The following EEIG2 variants were observed in gnomAD, a reference collection of about 807,000 sequenced individuals.
EEIG2 encodes the protein EEIG family member 2, also known as family with sequence similarity 102 member B.
chr1:108,617,390 A>T, the EEIG2 span, among the ~76,000 whole-genome samples: 2 of 152,218 alleles, frequency 1.3e-5, no homozygotes, highest in African/African-American at 4.8e-5. Flanking sequence ...TTTAAGCCTG[A>T]GTAACTGGAA....
the EEIG2 span, among the ~76,000 whole-genome samples, chr1:108,620,878 A>G: frequency 2.6e-5 from 4 of 152,314 alleles, no homozygotes; most frequent in African/African-American, 9.6e-5. Context: ...CGTGGGAGAC[A>G]GGCACACAGC....
the EEIG2 span, among the ~76,000 whole-genome samples, chr1:108,578,613 CGT>C: frequency 2.6e-5 from 4 of 151,504 alleles, no homozygotes; most frequent in Admixed American, 2.6e-4. Context: ...TATTGATTTG[CGT>C]ATATTGACCC....
chr1:108,615,010 T>G, the EEIG2 span, among the ~76,000 whole-genome samples: 1 of 152,156 alleles, frequency 6.6e-6, no homozygotes, highest in Non-Finnish European at 1.5e-5. Context: ...CAGGATAGAT[T>G]TGGCATTTAA....
At chr1:108,598,857 G>A in the EEIG2 span, among the ~76,000 whole-genome samples, 1 of 152,092 alleles carries the variant, frequency 6.6e-6, no homozygotes, top group East Asian at 1.9e-4. Flanking sequence ...ACCAGGCCAG[G>A]TGGCTTACAC....
the EEIG2 span, among the ~76,000 whole-genome samples, chr1:108,574,112 AGTG>A: frequency 2.6e-5 from 4 of 152,216 alleles, no homozygotes; most frequent in Non-Finnish European, 5.9e-5. Flanking sequence ...AAGAAAACTA[AGTG>A]TCCATCACAG....
At chr1:108,607,065 C>T in the EEIG2 span, among the ~76,000 whole-genome samples, 1 of 152,208 alleles carries the variant, frequency 6.6e-6, no homozygotes, top group Non-Finnish European at 1.5e-5. Context: ...CCTTCCTCAA[C>T]TAGAGATTTT....
At chr1:108,575,394 G>A in the EEIG2 span, among the ~76,000 whole-genome samples, 3 of 152,050 alleles carry the variant, frequency 2.0e-5, no homozygotes, top group African/African-American at 7.3e-5. Flanking sequence ...GGATTGGTAG[G>A]ACTTAAACAG....
At chr1:108,608,318 C>G in the EEIG2 span, among the ~76,000 whole-genome samples, 1 of 152,220 alleles carries the variant, frequency 6.6e-6, no homozygotes, top group Non-Finnish European at 1.5e-5. Flanking sequence ...GTGTCTTCCT[C>G]TATCACAGCA....
At chr1:108,581,666 T>C in the EEIG2 span, among the ~76,000 whole-genome samples, 1 of 152,274 alleles carries the variant, frequency 6.6e-6, no homozygotes, top group East Asian at 1.9e-4. Flanking sequence ...AACCTGAAGA[T>C]GTGACTGAAT....
the EEIG2 span, among the ~76,000 whole-genome samples, chr1:108,567,513 T>G: frequency 1.1e-3 from 175 of 152,384 alleles, 1 homozygote; most frequent in African/African-American, 4.2e-3. Flanking sequence ...TAAATTCTAC[T>G]GCCTTTCAGG....
chr1:108,594,986 T>C, the EEIG2 span, among the ~76,000 whole-genome samples: 1 of 152,184 alleles, frequency 6.6e-6, no homozygotes, highest in Non-Finnish European at 1.5e-5. Flanking sequence ...TTGTCTGGTT[T>C]GTTTCTTAAA....
At chr1:108,602,338 GC>G in the EEIG2 span, among the ~76,000 whole-genome samples, 1 of 152,176 alleles carries the variant, frequency 6.6e-6, no homozygotes, top group Admixed American at 6.5e-5. Context: ...CAAGGTGTCA[GC>G]AGGGCCATGC....
At chr1:108,612,497 A>G in the EEIG2 span, among the ~76,000 whole-genome samples, 31 of 152,224 alleles carry the variant, frequency 2.0e-4, no homozygotes, top group African/African-American at 6.8e-4. Flanking sequence ...TTCATGGTCC[A>G]AAGGTGTTTT....
At chr1:108,625,775 TG>T in the EEIG2 span, 1 of 10,028 alleles carries the variant, frequency 1.0e-4, no homozygotes, top group African/African-American at 1.8e-4. Flanking sequence ...TCTCTCTCTC[TG>T]TGTGTGTGTG....
the EEIG2 span, chr1:108,600,496 A>G: frequency 1.2e-5 from 19 of 1,544,394 alleles, no homozygotes; most frequent in Non-Finnish European, 1.6e-5. Context: ...CTTGAGTGAA[A>G]GTATGGGTGT....
At chr1:108,605,719 T>G in the EEIG2 span, among the ~76,000 whole-genome samples, 4 of 152,208 alleles carry the variant, frequency 2.6e-5, no homozygotes, top group Admixed American at 1.3e-4. Flanking sequence ...TTATTTTTTA[T>G]TATTTTCCAC....
At chr1:108,607,233 C>T in the EEIG2 span, among the ~76,000 whole-genome samples, 1 of 152,230 alleles carries the variant, frequency 6.6e-6, no homozygotes, top group Non-Finnish European at 1.5e-5. Context: ...CTCCTGGACA[C>T]CAGGTGGCTG....
the EEIG2 span, among the ~76,000 whole-genome samples, chr1:108,633,738 G>C: frequency 2.6e-5 from 4 of 152,096 alleles, no homozygotes; most frequent in African/African-American, 9.7e-5. Flanking sequence ...ATTCTGCCTG[G>C]GGTTCATCAA....
chr1:108,587,766 G>C, the EEIG2 span, among the ~76,000 whole-genome samples: 1 of 152,064 alleles, frequency 6.6e-6, no homozygotes, highest in Non-Finnish European at 1.5e-5. Context: ...GAAATTTTCG[G>C]TATGAAGTCT....
Sources: allele counts gnomAD v4.1 joint callset (sites outside exome capture counted in the v4.1 genomes callset), GRCh38; gene constraint gnomAD v4.1.1; transcripts MANE v1.5; gene names NCBI Gene and HGNC (gene_info 2026-07-23, HGNC 2026-07-21).